The following INO80D variants were observed in gnomAD, a reference collection of about 807,000 sequenced individuals.
The protein encoded by INO80D is INO80 complex subunit D.
Under a neutral mutation model 87.6 loss-of-function variants are expected in INO80D, and 21 were observed. That is an observed-to-expected ratio of 0.24 (90% CI 0.17 to 0.35). The LOEUF is 0.35. INO80D is among the 10% of genes least tolerant of loss of function. The pLI is 1.00. For synonymous variants in INO80D, 440 were observed against 491.0 expected, an observed-to-expected ratio of 0.90 and a Z score of 1.37; for missense variants, 982 against 1,280.7, an observed-to-expected ratio of 0.77 and a Z score of 3.56.
intron 8 of INO80D, among the ~76,000 whole-genome samples, chr2:206,010,356 G>C (rs1303147570): frequency 6.6e-6 from 1 of 150,974 alleles, no homozygotes; most frequent in Non-Finnish European, 1.5e-5. Context: ...GAAGTACGTA[G>C]AAAATACTGC....
chr2:205,994,012 T>A lies in INO80D; in HGVS notation c.*10356A>T, dbSNP rs1325256972. 6.6e-6 allele frequency: 1 copy of A among 152,176 alleles called. No individual in the cohort carries two copies. Among genetic ancestry groups the A allele is most frequent in the Non-Finnish European group, 1.5e-5 (1 of 68,028 alleles). The allele number at this position is 152,176 out of a possible 1,614,324, so 9.4% of individuals were successfully genotyped here. On this transcript the variant is annotated 3_prime_UTR_variant, in exon 11 of 11. Transcript: ENST00000403263. ...GAAAATGTGAGCCATCTCTTCTTGT[T>A]TAAAGGGAAATTACAAACCAAAAGT...
chr2:206,068,843 G>A (rs1411046978), intron 1 of INO80D, among the ~76,000 whole-genome samples: 1 of 152,008 alleles, frequency 6.6e-6, no homozygotes, highest in Non-Finnish European at 1.5e-5. Context: ...GCGACTAAAG[G>A]CACATACCAC....
chr2:206,021,091 C>G (rs1480589374), intron 6 of INO80D, among the ~76,000 whole-genome samples: 1 of 152,132 alleles, frequency 6.6e-6, no homozygotes, highest in Non-Finnish European at 1.5e-5. Flanking sequence ...TATAAAGCAT[C>G]ACAAACCATT....
At chr2:206,057,226 T>C (rs796557574) in intron 3 of INO80D, among the ~76,000 whole-genome samples, 15 of 152,328 alleles carry the variant, frequency 9.8e-5, no homozygotes, top group African/African-American at 3.6e-4. Context: ...CTACTGCTTC[T>C]CACATGGCTT....
chr2:206,072,442 A>AT (rs1038656318), intron 1 of INO80D, among the ~76,000 whole-genome samples: 4 of 151,638 alleles, frequency 2.6e-5, no homozygotes, highest in African/African-American at 9.7e-5. Flanking sequence ...CGCCCAGCCA[A>AT]TTTTTTTGTA....
chr2:206,007,472 C>T (rs1688056625), intron 9 of INO80D, 31 bp from the exon 10 acceptor site: 5 of 1,579,910 alleles, frequency 3.2e-6, no homozygotes, highest in South Asian at 2.3e-5. Flanking sequence ...GGTCCCATAA[C>T]TCCCCCATTA....
At chr2:206,015,992 G>A (rs1050407377) in intron 8 of INO80D, among the ~76,000 whole-genome samples, 4 of 152,204 alleles carry the variant, frequency 2.6e-5, no homozygotes, top group Admixed American at 6.5e-5. Context: ...GAAGGAAAAT[G>A]TGGGTGGGAG....
chr2:206,049,111 A>C (rs1171983377), intron 4 of INO80D, among the ~76,000 whole-genome samples: 1 of 152,212 alleles, frequency 6.6e-6, no homozygotes, highest in African/African-American at 2.4e-5. Flanking sequence ...AGACAGTTAC[A>C]TTAAAAAGGA....
intron 5 of INO80D, among the ~76,000 whole-genome samples, chr2:206,032,175 G>A (rs1688786195): frequency 6.6e-6 from 1 of 152,198 alleles, no homozygotes; most frequent in South Asian, 2.1e-4. Context: ...AACCTGGCGA[G>A]AAGCCTCCTG....
chr2:206,004,775 G>A lies in INO80D; in HGVS notation c.2677C>T (p.Leu893Phe). The change falls in exon 11 of 11, where the codon CTC becomes TTC. Residue 893 changes from leucine (L) to phenylalanine (F), a missense_variant. Transcript: ENST00000403263. This position sits in a 1 kb window ranked among gnomAD's most constrained non-coding sequence, Gnocchi z 4.9. ...VVNPRTHWGN[L>F]PVNLGDPSPF... Reference sequence around the variant, plus strand: ...GAGGGGTCTCCAAGGTTGACAGGGAGATTGCCCCAGTGAGTTCTGGGGTTT... The same window carrying A: ...GAGGGGTCTCCAAGGTTGACAGGGAAATTGCCCCAGTGAGTTCTGGGGTTT... 6.2e-7 allele frequency: 1 copy of A among 1,614,010 alleles called. No individual in the cohort carries two copies. Among genetic ancestry groups the A allele is most frequent in the Non-Finnish European group, 8.5e-7 (1 of 1,179,888 alleles).
intron 5 of INO80D, among the ~76,000 whole-genome samples, chr2:206,032,677 A>G (rs911012170): frequency 6.6e-6 from 1 of 152,164 alleles, no homozygotes; most frequent in African/African-American, 2.4e-5. Flanking sequence ...GCCTCCTTAA[A>G]CAAAACAATT....
Position 206,017,732 on chromosome 2 carries a change from A to C in INO80D, c.1490T>G (p.Val497Gly), listed in dbSNP as rs1400711531. 1.2e-6 allele frequency: 2 copies of C among 1,613,010 alleles called. No homozygotes were observed. Among genetic ancestry groups the C allele is most frequent in the Non-Finnish European group, 1.7e-6 (2 of 1,179,622 alleles). ...AGGTGTCTGATGTGTAATGTCAAAA[A>C]CTGGCACAGAGCACTGCTGTCCATC... ...FADGQQCSVP[V>G]FDITHQTPLC... Residue 497 changes from valine to glycine, a missense_variant, in exon 8 of 11, where the codon GTT (valine) becomes GGT (glycine). Coordinates refer to ENST00000403263, the MANE Select transcript of INO80D (RefSeq NM_017759.5).
At chr2:206,012,004 G>T (rs1476125159) in intron 8 of INO80D, among the ~76,000 whole-genome samples, 1 of 152,216 alleles carries the variant, frequency 6.6e-6, no homozygotes, top group Non-Finnish European at 1.5e-5. Flanking sequence ...GAGCAATGCG[G>T]AAACTTGGGA....
At chr2:206,014,150 T>A (rs949282118) in intron 8 of INO80D, among the ~76,000 whole-genome samples, 1 of 85,660 alleles carries the variant, frequency 1.2e-5, no homozygotes, top group African/African-American at 4.2e-5. Context: ...AGAGTAAAAC[T>A]CCATCTCAAA....
At chr2:206,084,273 A>ACACACACACC (rs1553623578) in intron 1 of INO80D, among the ~76,000 whole-genome samples, 14 of 144,508 alleles carry the variant, frequency 9.7e-5, no homozygotes, top group African/African-American at 3.1e-4. Flanking sequence ...ACACACACAC[A>ACACACACACC]CCCCAAAACC....
chr2:206,069,799 G>C (rs1458456145), intron 1 of INO80D, among the ~76,000 whole-genome samples: 1 of 152,030 alleles, frequency 6.6e-6, no homozygotes, highest in Non-Finnish European at 1.5e-5. Flanking sequence ...AACTCTCAAG[G>C]CTTTTTCCTG....
chr2:206,016,999 A>G (rs1688336829), intron 8 of INO80D, among the ~76,000 whole-genome samples: 1 of 152,194 alleles, frequency 6.6e-6, no homozygotes, highest in Admixed American at 6.5e-5. Flanking sequence ...CTAATACACC[A>G]GTGAATCACA....
rs60979396 is a variant in INO80D, at chr2:206,071,257, CTTTTTTTTTTTTTTTTTTT to C, written c.-123-8032_-123-8014del. Among the ~76,000 whole-genome samples, 7 of 82,012 alleles carry C rather than the reference CTTTTTTTTTTTTTTTTTTT, an allele frequency of 8.5e-5. 3 individuals are homozygous for C. The highest frequency in any genetic ancestry group is 3.5e-4 in the Admixed American group (2 of 5,672). 53.8% of individuals were successfully genotyped at this position (82,012 alleles called of 152,430 possible). The stretch of plus-strand genomic sequence containing the variant: ...TACAGGCATAAGCACCACGCCCGGC[CTTTTTTTTTTTTTTTTTTT>C]TTTTTTTTTTTTTTTTTTTTTTTTT... On this transcript the variant is annotated intron_variant, in intron 1 of 10. Coordinates refer to ENST00000403263, the MANE Select transcript of INO80D (RefSeq NM_017759.5).
intron 1 of INO80D, among the ~76,000 whole-genome samples, chr2:206,065,121 T>C (rs576810736): frequency 3.9e-5 from 6 of 152,192 alleles, no homozygotes; most frequent in African/African-American, 7.2e-5. Flanking sequence ...ACTATAAAAC[T>C]ATTAGAAGAA....
Sources: allele counts gnomAD v4.1 joint callset (sites outside exome capture counted in the v4.1 genomes callset), GRCh38; gene constraint gnomAD v4.1.1; non-coding constraint Gnocchi (gnomAD v3.1); transcripts MANE v1.5; gene names NCBI Gene and HGNC (gene_info 2026-07-23, HGNC 2026-07-21).